Variants in TMEM132D observed in about 807,000 individuals in gnomAD.
TMEM132D encodes mature OL transmembrane protein.
A neutral mutation model predicts 62.3 loss-of-function variants in TMEM132D; 21 were observed. The ratio of observed to expected loss-of-function variants is 0.34; its 90% CI spans 0.24 to 0.49. The LOEUF (loss-of-function observed/expected upper bound fraction) is 0.49. Among genes scored for constraint, TMEM132D ranks in the 20% least tolerant of loss-of-function variants. The probability of loss-of-function intolerance (pLI) is 0.99; values close to 1 mark genes in which losing one functional copy is unlikely to be tolerated. For synonymous variants in TMEM132D, 621 were observed against 575.6 expected (o/e 1.08, Z -1.13); for missense variants, 1,346 against 1,402.8 (o/e 0.96, Z 0.65).
At chr12:129,311,725 C>T (rs1323551492) in intron 4 of TMEM132D, among the ~76,000 whole-genome samples, 1 of 152,106 alleles carries the variant, frequency 6.6e-6, no homozygotes, top group South Asian at 2.1e-4. Flanking sequence ...AAGAGGATAC[C>T]CTGAGTGATG....
intron 3 of TMEM132D, among the ~76,000 whole-genome samples, chr12:129,494,203 T>C (rs561514113): frequency 1.1e-4 from 16 of 152,196 alleles, no homozygotes; most frequent in Non-Finnish European, 1.5e-4. Context: ...ATCAAGCATG[T>C]TAGAGAGCCG....
chr12:129,517,388 A>G (rs1287316842), intron 3 of TMEM132D, among the ~76,000 whole-genome samples: 1 of 152,194 alleles, frequency 6.6e-6, no homozygotes, highest in East Asian at 1.9e-4. Context: ...TACTCAGATT[A>G]CCAGTTCAAA....
rs1875447123 is a variant in TMEM132D, at chr12:129,903,593, A to C, written c.-254T>G. The stretch of plus-strand genomic sequence containing the variant: ...AGGCAAACCCCACCTCCCTCCTTCG[A>C]CCCCAACAGAATTTTTTTTAAATTT... On this transcript the variant is annotated 5_prime_UTR_variant, in exon 1 of 9. Coordinates refer to ENST00000422113, the MANE Select transcript of TMEM132D (RefSeq NM_133448.3). The surrounding 1 kb of genome is among the most constrained non-coding windows in gnomAD (Gnocchi z 6.2). 2 of 525,242 alleles carry C rather than the reference A, an allele frequency of 3.8e-6. No homozygotes were observed. Among genetic ancestry groups the C allele is most frequent in the South Asian group, 2.8e-5 (1 of 35,860 alleles). The allele number at this position is 525,242 out of a possible 1,614,324, so 32.5% of individuals were successfully genotyped here.
intron 5 of TMEM132D, among the ~76,000 whole-genome samples, chr12:129,156,510 C>A (rs556036407): frequency 6.0e-4 from 92 of 152,282 alleles, no homozygotes; most frequent in African/African-American, 2.1e-3. Flanking sequence ...AACCAATCCA[C>A]TCCCAAGATA....
intron 1 of TMEM132D, among the ~76,000 whole-genome samples, chr12:129,901,239 G>C (rs1053858216): frequency 6.6e-6 from 1 of 152,188 alleles, no homozygotes. Context: ...TTGATTGCAA[G>C]ATGGGTGAGA....
intron 4 of TMEM132D, among the ~76,000 whole-genome samples, chr12:129,315,382 T>A (rs1384674036): frequency 6.6e-6 from 1 of 152,104 alleles, no homozygotes; most frequent in African/African-American, 2.4e-5. Context: ...GAATACTTTT[T>A]CTGCATCTAT....
At chr12:129,606,977 T>C (rs183710365) in intron 2 of TMEM132D, among the ~76,000 whole-genome samples, 46 of 152,300 alleles carry the variant, frequency 3.0e-4, no homozygotes, top group African/African-American at 9.9e-4. Flanking sequence ...TTTTCTGCAA[T>C]TGTTACTTTC....
intron 3 of TMEM132D, among the ~76,000 whole-genome samples, chr12:129,442,819 G>A (rs35881586): frequency 0.14 from 21,972 of 152,072 alleles, 1,787 homozygotes; most frequent in South Asian, 0.27. Flanking sequence ...TCCTTCAAAC[G>A]CCTTATGTGT....
intron 2 of TMEM132D, among the ~76,000 whole-genome samples, chr12:129,581,388 T>C (rs155683): frequency 0.88 from 134,601 of 152,214 alleles, 59,616 homozygotes; most frequent in East Asian, 0.99. Flanking sequence ...TATTGACTCA[T>C]ATGATCACAA....
At chr12:129,290,343 A>T (rs2097805302) in intron 4 of TMEM132D, among the ~76,000 whole-genome samples, 1 of 152,034 alleles carries the variant, frequency 6.6e-6, no homozygotes, top group African/African-American at 2.4e-5. Context: ...TGAGTGAGAA[A>T]CAGGTTTCTG....
Position 129,825,639 on chromosome 12 carries a change from G to T in TMEM132D, c.79+77622C>A, listed in dbSNP as rs2137328950. On this transcript the variant is annotated intron_variant, in intron 1 of 8. Transcript: ENST00000422113. ...GAGCCACTGTGTGTGCTGCTGGGTG[G>T]GTGGAGTCATCACTTTCAGACAATT... 1.3e-5 allele frequency among the ~76,000 whole-genome samples: 2 copies of T among 152,220 alleles called. 1 individual carries two copies. The highest frequency in any genetic ancestry group is 1.3e-4 in the Admixed American group (2 of 15,288).
chr12:129,655,246 C>CTTTT (rs5801873), intron 2 of TMEM132D, among the ~76,000 whole-genome samples: 6 of 139,394 alleles, frequency 4.3e-5, no homozygotes, highest in Non-Finnish European at 4.6e-5. Context: ...TGTGTCTAGC[C>CTTTT]TTTTTTTTTT....
chr12:129,419,538 G>A (rs1043317514), intron 3 of TMEM132D, among the ~76,000 whole-genome samples: 1 of 151,818 alleles, frequency 6.6e-6, no homozygotes, highest in Non-Finnish European at 1.5e-5. Context: ...GAGAGAGACT[G>A]TTCCTGATAA....
At chr12:129,228,322 GTGT>G (rs1010782957) in intron 4 of TMEM132D, among the ~76,000 whole-genome samples, 5 of 152,052 alleles carry the variant, frequency 3.3e-5, no homozygotes, top group Non-Finnish European at 7.4e-5. Flanking sequence ...TTCCATTTTT[GTGT>G]TGTTTTGAGT....
At chr12:129,204,736 A>G (rs922970117) in intron 5 of TMEM132D, among the ~76,000 whole-genome samples, 5 of 152,196 alleles carry the variant, frequency 3.3e-5, no homozygotes, top group African/African-American at 1.2e-4. Context: ...CAGATTCTCC[A>G]AGGTCAAAAT....
chr12:129,476,180 G>A lies in TMEM132D; in HGVS notation c.1115+54879C>T, dbSNP rs116542670. On this transcript the variant is annotated intron_variant, in intron 3 of 8. Coordinates refer to ENST00000422113, the MANE Select transcript of TMEM132D (RefSeq NM_133448.3). Reference sequence around the variant, plus strand: ...TGTGGCAATCAAAAATAATGCCTCCGCCATGTTAATAAAATACCCCCAGGC... The same window carrying A: ...TGTGGCAATCAAAAATAATGCCTCCACCATGTTAATAAAATACCCCCAGGC... Among the ~76,000 whole-genome samples, 613 of 152,242 alleles carry A rather than the reference G, an allele frequency of 4.0e-3. 3 individuals are homozygous for A. The highest frequency in any genetic ancestry group is 0.014 in the African/African-American group (574 of 41,534).
At chr12:129,718,087 G>T (rs1343871697) in intron 1 of TMEM132D, among the ~76,000 whole-genome samples, 2 of 152,340 alleles carry the variant, frequency 1.3e-5, no homozygotes, top group Non-Finnish European at 2.9e-5. Flanking sequence ...AGCAGCTCCA[G>T]GTTGATCCCC....
chr12:129,404,160 T>A (rs1202732316), intron 3 of TMEM132D, among the ~76,000 whole-genome samples: 1 of 152,054 alleles, frequency 6.6e-6, no homozygotes, highest in Non-Finnish European at 1.5e-5. Context: ...ATTAGGCCAT[T>A]TTGCATCGTT....
chr12:129,553,089 C>T lies in TMEM132D; in HGVS notation c.969-21884G>A, dbSNP rs558245865. 3.7e-4 allele frequency among the ~76,000 whole-genome samples: 57 copies of T among 152,306 alleles called. No homozygotes were observed. In the South Asian group the frequency reaches 0.011, roughly 29 times the overall value. On this transcript the variant is annotated intron_variant, in intron 2 of 8. Transcript: ENST00000422113. ...CACCGGAGCAGCTTCGGTTACTCAACCTTTCAAGGCCAGGCTCTTCCCCTT... is the reference window on the plus strand; with the variant it reads ...CACCGGAGCAGCTTCGGTTACTCAATCTTTCAAGGCCAGGCTCTTCCCCTT...
Sources: allele counts gnomAD v4.1 joint callset (sites outside exome capture counted in the v4.1 genomes callset), GRCh38; gene constraint gnomAD v4.1.1; non-coding constraint Gnocchi (gnomAD v3.1); transcripts MANE v1.5; gene names NCBI Gene and HGNC (gene_info 2026-07-23, HGNC 2026-07-21).